Variants in TRPC4 observed in about 807,000 individuals in gnomAD.
TRPC4 encodes transient receptor potential cation channel subfamily C member 4, also known as short transient receptor potential channel 4.
In TRPC4, 49 loss-of-function variants were observed where a neutral mutation model predicts 99.4. That is an observed-to-expected ratio of 0.49 (90% CI 0.39 to 0.63). The LOEUF is 0.63. Among genes scored for constraint, TRPC4 ranks in the 20% least tolerant of loss-of-function variants. The probability of loss-of-function intolerance (pLI) is 0.00; values close to 1 mark genes in which losing one functional copy is unlikely to be tolerated. For synonymous variants in TRPC4, 454 were observed against 425.9 expected (o/e 1.07, Z -0.81); for missense variants, 898 against 1,152.9 (o/e 0.78, Z 3.20).
chr13:37,652,254 T>A lies in TRPC4; in HGVS notation c.1885-795A>T, dbSNP rs1593438189. Among the ~76,000 whole-genome samples the A allele has an allele frequency of 2.0e-5, 3 of 152,366 alleles. 1 individual carries two copies. The South Asian group carries it at 6.2e-4, about 32-fold the overall frequency. On this transcript the variant is annotated intron_variant, in intron 7 of 10. Coordinates refer to ENST00000379705, the MANE Select transcript of TRPC4 (RefSeq NM_016179.4). ...CTGAGAAGTAGGAGGTGGTAGAGAC[T>A]GGGCATACATTCATTTTAAGAATTC...
intron 3 of TRPC4, among the ~76,000 whole-genome samples, chr13:37,736,344 C>A (rs949252696): frequency 6.6e-6 from 1 of 152,118 alleles, no homozygotes; most frequent in East Asian, 1.9e-4. Context: ...ATTGAGCATG[C>A]TCTACAGAAC....
chr13:37,842,431 A>G (rs964144428), intron 1 of TRPC4, among the ~76,000 whole-genome samples: 1 of 151,432 alleles, frequency 6.6e-6, no homozygotes, highest in Non-Finnish European at 1.5e-5. Context: ...AAATATTCTT[A>G]AAAAGAAAAA....
intron 3 of TRPC4, among the ~76,000 whole-genome samples, chr13:37,745,507 T>TATATATATACGTATATATGTATATATAC (rs1566138564): frequency 1.9e-4 from 25 of 128,632 alleles, no homozygotes; most frequent in South Asian, 1.9e-3. Flanking sequence ...TACGTATATA[T>TATATATATACGTATATATGTATATATAC]GTATATATAT....
chr13:37,786,763 T>C (rs1034145330), intron 1 of TRPC4, among the ~76,000 whole-genome samples: 1 of 152,084 alleles, frequency 6.6e-6, no homozygotes, highest in Admixed American at 6.6e-5. Context: ...CATTTCAATG[T>C]CTCCTGTATA....
At chr13:37,828,228 G>A (rs1056033919) in intron 1 of TRPC4, among the ~76,000 whole-genome samples, 23 of 152,232 alleles carry the variant, frequency 1.5e-4, no homozygotes, top group African/African-American at 3.9e-4. Context: ...GAAATCACCC[G>A]TCTTCTGCGT....
At chr13:37,749,656 T>C (rs1472198999) in intron 2 of TRPC4, among the ~76,000 whole-genome samples, 3 of 152,158 alleles carry the variant, frequency 2.0e-5, no homozygotes, top group South Asian at 4.1e-4. Context: ...AATTATTACA[T>C]GGTTTTTGAA....
At chr13:37,717,829 C>T (rs191147984) in intron 3 of TRPC4, among the ~76,000 whole-genome samples, 1 of 151,872 alleles carries the variant, frequency 6.6e-6, no homozygotes, top group Non-Finnish European at 1.5e-5. Context: ...ACCAACCCCC[C>T]CGAAAAGAAC....
At chr13:37,839,576 C>T (rs557943725) in intron 1 of TRPC4, among the ~76,000 whole-genome samples, 3 of 152,190 alleles carry the variant, frequency 2.0e-5, no homozygotes, top group East Asian at 3.9e-4. Flanking sequence ...AATGAGGGAT[C>T]ATTATGTACC....
intron 1 of TRPC4, among the ~76,000 whole-genome samples, chr13:37,825,824 T>A (rs1378002422): frequency 6.6e-6 from 1 of 151,898 alleles, no homozygotes. Flanking sequence ...TTCCTGGGTA[T>A]CCTTGTTGAC....
intron 1 of TRPC4, among the ~76,000 whole-genome samples, chr13:37,834,053 T>C (rs2093812): frequency 0.25 from 37,303 of 151,934 alleles, 4,850 homozygotes; most frequent in African/African-American, 0.32. Context: ...ATTTGCATTT[T>C]TCACATAAAT....
intron 1 of TRPC4, among the ~76,000 whole-genome samples, chr13:37,829,180 C>T (rs1012653476): frequency 3.9e-5 from 6 of 152,200 alleles, no homozygotes; most frequent in African/African-American, 1.2e-4. Flanking sequence ...AAAGACAACA[C>T]ACAGAATGAA....
At chr13:37,710,442 T>C (rs1371024277) in intron 3 of TRPC4, among the ~76,000 whole-genome samples, 1 of 151,928 alleles carries the variant, frequency 6.6e-6, no homozygotes, top group Non-Finnish European at 1.5e-5. Flanking sequence ...TTTAAATTTT[T>C]CAGATTTTAA....
At chr13:37,671,780 G>A (rs1457862027) in intron 5 of TRPC4, among the ~76,000 whole-genome samples, 1 of 152,150 alleles carries the variant, frequency 6.6e-6, no homozygotes, top group Non-Finnish European at 1.5e-5. Flanking sequence ...CCAAAAATGT[G>A]ACTCCACAGT....
chr13:37,810,271 T>C (rs1415600012), intron 1 of TRPC4, among the ~76,000 whole-genome samples: 1 of 152,102 alleles, frequency 6.6e-6, no homozygotes, highest in Non-Finnish European at 1.5e-5. Flanking sequence ...TTGATTATTA[T>C]TATTCCCATT....
intron 1 of TRPC4, among the ~76,000 whole-genome samples, chr13:37,811,474 G>A (rs1002620056): frequency 2.6e-5 from 4 of 152,130 alleles, no homozygotes; most frequent in African/African-American, 9.7e-5. Flanking sequence ...AATTCAGGTG[G>A]AGCCTTTCAA....
intron 4 of TRPC4, among the ~76,000 whole-genome samples, chr13:37,676,015 A>G (rs967865065): frequency 9.9e-5 from 15 of 152,136 alleles, no homozygotes; most frequent in African/African-American, 3.4e-4. Context: ...TGACGGTGGC[A>G]ACAACAAAAC....
chr13:37,813,241 T>C (rs1957753983), intron 1 of TRPC4, among the ~76,000 whole-genome samples: 1 of 151,828 alleles, frequency 6.6e-6, no homozygotes, highest in South Asian at 2.1e-4. Flanking sequence ...CCAAAATTCA[T>C]GGGATGTAAA....
At chr13:37,858,316 G>A (rs974358407) in intron 1 of TRPC4, among the ~76,000 whole-genome samples, 2 of 151,690 alleles carry the variant, frequency 1.3e-5, no homozygotes, top group African/African-American at 4.8e-5. Context: ...CATTGTGGGT[G>A]GGAATGTACA....
At chr13:37,810,681 T>C (rs1281132308) in intron 1 of TRPC4, among the ~76,000 whole-genome samples, 1 of 152,080 alleles carries the variant, frequency 6.6e-6, no homozygotes, top group Non-Finnish European at 1.5e-5. Context: ...AAAATCCTCA[T>C]ACAAATGAAT....
Sources: gnomAD v4.1 joint callset for allele counts (sites outside exome capture counted in the v4.1 genomes callset) on GRCh38, gnomAD v4.1.1 for gene constraint, MANE v1.5 for transcripts, NCBI Gene and HGNC (gene_info 2026-07-23, HGNC 2026-07-21) for gene names.